IQGAP3: variants seen among roughly 807,000 people sequenced by gnomAD.
IQGAP3 encodes IQ motif containing GTPase activating protein 3.
In IQGAP3, 165 loss-of-function variants were observed where a neutral mutation model predicts 208.2. The ratio of observed to expected loss-of-function variants is 0.79; its 90% CI spans 0.70 to 0.90. The LOEUF (loss-of-function observed/expected upper bound fraction) is 0.90. Ranked by LOEUF, IQGAP3 falls within the 40% of genes least tolerant of loss-of-function variation. IQGAP3 has a pLI of 0.00. For synonymous variants in IQGAP3, 703 were observed against 803.6 expected (o/e 0.87, Z 2.12); for missense variants, 1,811 against 2,043.1 (o/e 0.89, Z 2.19).
intron 8 of IQGAP3, 114 bp from the exon 9 acceptor site, chr1:156,562,779 G>T (rs1676219215): frequency 3.2e-6 from 3 of 937,904 alleles, no homozygotes; most frequent in South Asian, 1.3e-5. Flanking sequence ...CAAGGCCAAA[G>T]TTCAGTCTGC....
intron 13 of IQGAP3, among the ~76,000 whole-genome samples, chr1:156,552,556 G>A (rs925081111): frequency 1.5e-4 from 23 of 152,250 alleles, no homozygotes; most frequent in African/African-American, 3.9e-4. Flanking sequence ...ACCTAATTCT[G>A]TTCTCTCTTC....
Position 156,526,542 on chromosome 1 carries a change from T to C in IQGAP3, c.4840A>G (p.Lys1614Glu). Residue 1614 changes from lysine (K) to glutamate (E), a missense_variant, in exon 38 of 38, where the codon AAA becomes GAA. Coordinates refer to ENST00000361170, the MANE Select transcript of IQGAP3 (RefSeq NM_178229.5). ...VAVMKLFNKA[K>E]VNVNLLIFLL... ...AAGATGAGAAGGTTGACATTGACTT[T>C]GGCCTTGTTGAAGAGTTTCATGACA... 1 of 1,614,224 alleles carries C rather than the reference T, an allele frequency of 6.2e-7. No individual in the cohort carries two copies. The highest frequency in any genetic ancestry group is 8.5e-7 in the Non-Finnish European group (1 of 1,180,032).
chr1:156,556,813 A>C, intron 11 of IQGAP3, 120 bp from the exon 12 acceptor site: 3 of 927,876 alleles, frequency 3.2e-6, no homozygotes, highest in Non-Finnish European at 4.7e-6. Flanking sequence ...AACTGCTCTC[A>C]AAAATCTGCT....
intron 1 of IQGAP3, 51 bp from the exon 2 acceptor site, chr1:156,569,514 T>C (rs1412423880): frequency 1.2e-6 from 1 of 833,680 alleles, no homozygotes; most frequent in East Asian, 2.9e-5. Flanking sequence ...AGAGGTGCCT[T>C]AGCACTGAAG....
At chr1:156,568,183 A>C (rs1167348148) in intron 2 of IQGAP3, among the ~76,000 whole-genome samples, 6 of 152,128 alleles carry the variant, frequency 3.9e-5, no homozygotes, top group Non-Finnish European at 8.8e-5. Context: ...AACCACCAAC[A>C]CTAATGAAGT....
At chr1:156,537,598 T>C (rs1674753801) in intron 26 of IQGAP3, among the ~76,000 whole-genome samples, 1 of 152,138 alleles carries the variant, frequency 6.6e-6, no homozygotes, top group Non-Finnish European at 1.5e-5. Flanking sequence ...GGGGAACAGA[T>C]GACAAGCAGG....
rs1490495506 is a variant in IQGAP3 at position 156,534,026 on chromosome 1, G to A, written c.3856C>T (p.Leu1286=). The A allele has an allele frequency of 1.2e-6, 2 of 1,613,720 alleles. No individual in the cohort carries two copies. The highest frequency in any genetic ancestry group is 1.3e-5 in the African/African-American group (1 of 75,034). The change falls in exon 30 of 38, where the codon CTG becomes TTG. Residue 1286 remains leucine, a synonymous_variant. Coordinates refer to ENST00000361170, the MANE Select transcript of IQGAP3 (RefSeq NM_178229.5). ...CCCCTCACCCTGTGCGTGTTGACCA[G>A]CTCCCCCACGGTGATGTACACCATG... ...KPMVYITVGE[L]VNTHRLLLEH...
chr1:156,555,577 T>C (rs1675788348), intron 12 of IQGAP3, among the ~76,000 whole-genome samples: 1 of 152,210 alleles, frequency 6.6e-6, no homozygotes, highest in Non-Finnish European at 1.5e-5. Context: ...AACAATAATA[T>C]TAATAGCTAA....
intron 4 of IQGAP3, 81 bp from the exon 5 acceptor site, chr1:156,564,772 G>T: frequency 1.0e-6 from 1 of 971,324 alleles, no homozygotes; most frequent in Non-Finnish European, 1.7e-6. Context: ...CGAGGAATGG[G>T]TCTTCCTCTC....
chr1:156,551,881 G>C lies in IQGAP3; in HGVS notation c.1571-13C>G, dbSNP rs762936077. 1 of 1,599,646 alleles carries C rather than the reference G, an allele frequency of 6.3e-7. No individual in the cohort carries two copies. Among genetic ancestry groups the C allele is most frequent in the East Asian group, 2.2e-5 (1 of 44,630 alleles). Reference sequence around the variant, plus strand: ...ACTGCAAGGACCCCTAAGAAAGAGAGATCTAGGTGGGCAGGGGGCCCCTAG... The same window carrying C: ...ACTGCAAGGACCCCTAAGAAAGAGACATCTAGGTGGGCAGGGGGCCCCTAG... On this transcript the variant is annotated splice_polypyrimidine_tract_variant and intron_variant, in intron 14 of 37. Coordinates refer to ENST00000361170, the MANE Select transcript of IQGAP3 (RefSeq NM_178229.5).
In IQGAP3 at chr1:156,531,175, C is replaced by T. The variant is rs775587503; in HGVS notation, c.4176G>A (p.Ser1392=). The change falls in exon 33 of 38, where the codon TCG becomes TCA. Residue 1392 remains serine, a synonymous_variant. Transcript: ENST00000361170. ...GGCTACTCACTTGCTCTCTGGAAGC[C>T]GAGAGGGACAGGATCTCCTTGAGGG... The part of the protein sequence containing the change: ...GDTLKEILSL[S]ASREQEAAHK... The T allele has an allele frequency of 2.4e-5, 38 of 1,613,166 alleles. 1 individual carries two copies. Among genetic ancestry groups the T allele is most frequent in the South Asian group, 1.8e-4 (16 of 91,040 alleles).
intron 11 of IQGAP3, 126 bp downstream of exon 11, chr1:156,560,808 T>A (rs1676112632): frequency 3.1e-6 from 2 of 640,022 alleles, no homozygotes; most frequent in Non-Finnish European, 5.5e-6. Context: ...AGGGGAGAAG[T>A]TCCTAGCCAG....
chr1:156,549,225 C>A (rs938330223), intron 16 of IQGAP3, among the ~76,000 whole-genome samples: 1 of 152,274 alleles, frequency 6.6e-6, no homozygotes, highest in Admixed American at 6.5e-5. Flanking sequence ...CTTTGGGAGG[C>A]TTAGGCGGGC....
At chr1:156,551,572 G>T in intron 15 of IQGAP3, 133 bp downstream of exon 15, 1 of 926,200 alleles carries the variant, frequency 1.1e-6, no homozygotes, top group Non-Finnish European at 1.6e-6. Flanking sequence ...TTACCAGATT[G>T]GAACACCCCC....
At position 156,548,411 on chromosome 1, in the gene IQGAP3, C is replaced by T. The variant is rs758082844; in HGVS notation, c.2070G>A (p.Gly690=). 4 of 1,613,956 alleles carry T rather than the reference C, an allele frequency of 2.5e-6. No individual in the cohort carries two copies. In the South Asian group the frequency reaches 3.3e-5, roughly 13 times the overall value. ...GGCAGCCAGGAGGTTGCTCCCAGAT[C>T]CCCTGGAAGGTCTGCAGATGGAAGT... ...AYYFHLQTFQ[G]IWEQPPGCPL... Residue 690 remains glycine (G), a synonymous_variant, in exon 18 of 38, where the codon GGG becomes GGA. Transcript: ENST00000361170.
intron 2 of IQGAP3, 122 bp downstream of exon 2, chr1:156,569,254 C>T (rs1676532358): frequency 1.6e-6 from 1 of 618,218 alleles, no homozygotes; most frequent in Non-Finnish European, 2.9e-6. Flanking sequence ...AAAGCTATTT[C>T]AACTCGCCCT....
intron 27 of IQGAP3, among the ~76,000 whole-genome samples, chr1:156,536,222 C>A (rs946364390): frequency 2.6e-5 from 4 of 151,980 alleles, no homozygotes; most frequent in African/African-American, 9.7e-5. Flanking sequence ...CCTGGGCATT[C>A]CAGCCTGGGC....
At chr1:156,526,756 C>T (rs372994783) in intron 37 of IQGAP3, among the ~76,000 whole-genome samples, 157 bp from the exon 38 acceptor site, 1 of 152,166 alleles carries the variant, frequency 6.6e-6, no homozygotes, top group East Asian at 1.9e-4. Flanking sequence ...AATGAGGAAA[C>T]TGAGGCAAGA....
At position 156,572,519 on chromosome 1, in the gene IQGAP3, C is replaced by T. The variant is rs1341881815; in HGVS notation, c.11G>A (p.Arg4Lys). MERRAAGPGWAAYE... is the reference protein window; with the variant it reads MERKAAGPGWAAYE... ...GGCTGCCCAGCCTGGGCCCGCTGCT[C>T]TCCTCTCCATGTTCCTCCTTCTTCC... Residue 4 changes from arginine (R) to lysine (K), a missense_variant, in exon 1 of 38, where the codon AGA becomes AAA. Arg to Lys is a conservative substitution (Grantham distance 26). Coordinates refer to ENST00000361170, the MANE Select transcript of IQGAP3 (RefSeq NM_178229.5). The T allele has an allele frequency of 6.2e-7, 1 of 1,612,474 alleles. No homozygotes were observed. The highest frequency in any genetic ancestry group is 8.5e-7 in the Non-Finnish European group (1 of 1,179,984).
Sources: gnomAD v4.1 joint callset for allele counts (sites outside exome capture counted in the v4.1 genomes callset) on GRCh38, gnomAD v4.1.1 for gene constraint, MANE v1.5 for transcripts, NCBI Gene and HGNC (gene_info 2026-07-23, HGNC 2026-07-21) for gene names.